Variants in BIN2 observed in about 807,000 individuals in gnomAD.
BIN2 encodes bridging integrator 2.
A neutral mutation model predicts 67.9 loss-of-function variants in BIN2; 43 were observed. That is an observed-to-expected ratio of 0.63 (90% CI 0.50 to 0.82). The LOEUF (loss-of-function observed/expected upper bound fraction) is 0.82. Among genes scored for constraint, BIN2 ranks in the 40% least tolerant of loss-of-function variants. BIN2 has a pLI of 0.00. For synonymous variants in BIN2, 244 were observed against 246.8 expected (o/e 0.99, Z 0.11); for missense variants, 581 against 671.6 (o/e 0.87, Z 1.49).
rs1555172220 is a variant in BIN2 at position 51,313,228 on chromosome 12, A to AGGAAGGCAGGC, written c.162+594_162+595insGCCTGCCTTCC. On this transcript the variant is annotated intron_variant, in intron 2 of 12. Transcript: ENST00000615107. The stretch of plus-strand genomic sequence containing the variant: ...GAAGGAAGGAAGGAAGGAAGGCAGG[A>AGGAAGGCAGGC]AGGCAGGCAGGCAGGCAGGCAGGGA... Among the ~76,000 whole-genome samples the AGGAAGGCAGGC allele has an allele frequency of 5.1e-3, 710 of 139,790 alleles. 3 individuals carry two copies. Among genetic ancestry groups the AGGAAGGCAGGC allele is most frequent in the Non-Finnish European group, 8.6e-3 (556 of 64,574 alleles). The allele number at this position is 139,790 out of a possible 152,430, so 91.7% of individuals were successfully genotyped here. A position where few individuals can be genotyped will look rare whatever the true frequency, so the allele number is the denominator to read the frequency against.
intron 2 of BIN2, among the ~76,000 whole-genome samples, chr12:51,310,770 CT>C (rs199699872): frequency 6.6e-6 from 1 of 151,570 alleles, no homozygotes; most frequent in Admixed American, 6.6e-5. Flanking sequence ...TTTTCTTTTC[CT>C]TTTTTTTGAG....
chr12:51,291,464 G>T, intron 10 of BIN2, 127 bp downstream of exon 10: 2 of 914,650 alleles, frequency 2.2e-6, no homozygotes, highest in Non-Finnish European at 3.2e-6. Context: ...GATCACTTGA[G>T]CTTGAGAGGT....
Position 51,283,989 on chromosome 12 carries a change from G to A in BIN2, c.1668+727C>T, listed in dbSNP as rs548956425. Reference sequence around the variant, plus strand: ...ACCTGGGCAACAAGAGTGAAACTCCGTCTCAAAAAAAAAAAAAAGAAAAGA... The same window carrying A: ...ACCTGGGCAACAAGAGTGAAACTCCATCTCAAAAAAAAAAAAAAGAAAAGA... On this transcript the variant is annotated intron_variant, in intron 12 of 12. Transcript: ENST00000615107. Among the ~76,000 whole-genome samples, 10 of 56,948 alleles carry A rather than the reference G, an allele frequency of 1.8e-4. No homozygotes were observed. In the South Asian group the frequency reaches 5.1e-3, roughly 29 times the overall value. The allele number at this position is 56,948 out of a possible 152,430, so 37.4% of individuals were successfully genotyped here.
At chr12:51,295,575 A>AAG (rs1945529768) in intron 9 of BIN2, among the ~76,000 whole-genome samples, 3 of 18,276 alleles carry the variant, frequency 1.6e-4, no homozygotes, top group African/African-American at 4.5e-4. Context: ...AAAAAAAAAA[A>AAG]AAATATATAT....
Position 51,324,085 on chromosome 12 carries a change from T to G in BIN2, c.18A>C (p.Ala6=), listed in dbSNP as rs1946367386. The part of the protein sequence containing the change: MAEGK[A]GGAAGLFAKQ... ...TGGCGAAGAGGCCGGCCGCGCCGCCTGCCTTGCCCTCTGCCATCCTGCCAA... is the reference window on the plus strand; with the variant it reads ...TGGCGAAGAGGCCGGCCGCGCCGCCGGCCTTGCCCTCTGCCATCCTGCCAA... Residue 6 remains alanine, a synonymous_variant, in exon 1 of 13, where the codon GCA becomes GCC. Transcript: ENST00000615107. The G allele has an allele frequency of 6.2e-7, 1 of 1,613,428 alleles. No individual in the cohort carries two copies. Among genetic ancestry groups the G allele is most frequent in the Non-Finnish European group, 8.5e-7 (1 of 1,179,660 alleles).
intron 4 of BIN2, 100 bp from the exon 5 acceptor site, chr12:51,302,215 G>T (rs1261437746): frequency 2.5e-6 from 2 of 802,614 alleles, no homozygotes; most frequent in African/African-American, 1.7e-5. Flanking sequence ...CTTTTTTGTA[G>T]CACCGTATTT....
chr12:51,319,230 A>G (rs1946206853), intron 1 of BIN2, among the ~76,000 whole-genome samples: 1 of 152,190 alleles, frequency 6.6e-6, no homozygotes, highest in South Asian at 2.1e-4. Context: ...CCAATCCCCA[A>G]AAGGCTCAAG....
intron 9 of BIN2, 34 bp downstream of exon 9, chr12:51,295,762 C>T: frequency 1.3e-6 from 2 of 1,585,672 alleles, no homozygotes; most frequent in Admixed American, 1.7e-5. Flanking sequence ...ACACACAGGA[C>T]AAGCGAAGCA....
At chr12:51,311,649 A>G (rs954031220) in intron 2 of BIN2, among the ~76,000 whole-genome samples, 4 of 152,034 alleles carry the variant, frequency 2.6e-5, no homozygotes, top group African/African-American at 7.2e-5. Context: ...TCAAAGTGCT[A>G]GTATTACAGC....
intron 7 of BIN2, among the ~76,000 whole-genome samples, chr12:51,298,724 T>A (rs1483850176): frequency 1.6e-4 from 24 of 151,876 alleles, no homozygotes; most frequent in Admixed American, 1.6e-3. Flanking sequence ...TCTTGTACAA[T>A]AAAAAGAAAA....
At chr12:51,324,571 C>T (rs986798461), upstream of BIN2, 6 of 1,500,764 alleles carry the variant, frequency 4.0e-6, no homozygotes, top group East Asian at 2.6e-5. Context: ...ATGTACACTG[C>T]GTTTCTTGCT....
At chr12:51,288,678 G>A (rs1417170386) in intron 10 of BIN2, among the ~76,000 whole-genome samples, 3 of 151,678 alleles carry the variant, frequency 2.0e-5, no homozygotes, top group Non-Finnish European at 4.4e-5. Flanking sequence ...AATAAATCTT[G>A]TTGCCATCTA....
At chr12:51,291,073 C>T (rs1945368380) in intron 10 of BIN2, among the ~76,000 whole-genome samples, 1 of 152,120 alleles carries the variant, frequency 6.6e-6, no homozygotes, top group Non-Finnish European at 1.5e-5. Context: ...CACTTGAACC[C>T]AGGAGGCAGA....
intron 9 of BIN2, among the ~76,000 whole-genome samples, chr12:51,294,588 A>ATTTTTTT (rs1945484677): frequency 6.6e-6 from 1 of 151,816 alleles, no homozygotes; most frequent in Admixed American, 6.6e-5. Context: ...AAACAAAAAA[A>ATTTTTTT]ACCCCCCAAA....
At chr12:51,315,703 C>T (rs562356323) in intron 1 of BIN2, among the ~76,000 whole-genome samples, 61 of 152,130 alleles carry the variant, frequency 4.0e-4, no homozygotes, top group Admixed American at 7.2e-4. Flanking sequence ...TTGTGGAAAA[C>T]TTTGAGAGGC....
intron 2 of BIN2, among the ~76,000 whole-genome samples, chr12:51,307,710 C>CAA (rs199928908): frequency 2.9e-4 from 34 of 117,832 alleles, no homozygotes; most frequent in African/African-American, 1.1e-3. Context: ...AACTCCGTCT[C>CAA]AAAAAAAAAA....
intron 2 of BIN2, among the ~76,000 whole-genome samples, chr12:51,312,807 G>T (rs1385835673): frequency 1.3e-5 from 2 of 152,084 alleles, no homozygotes; most frequent in Middle Eastern, 3.2e-3. Flanking sequence ...TACTCCCAGA[G>T]AACTTGCATT....
intron 2 of BIN2, among the ~76,000 whole-genome samples, chr12:51,311,654 T>A (rs1207498113): frequency 6.6e-6 from 1 of 152,122 alleles, no homozygotes; most frequent in Non-Finnish European, 1.5e-5. Flanking sequence ...GTGCTAGTAT[T>A]ACAGCCATAA....
chr12:51,297,297 A>G (rs563537564), intron 7 of BIN2, 133 bp from the exon 8 acceptor site: 95 of 797,438 alleles, frequency 1.2e-4, no homozygotes, highest in Middle Eastern at 4.7e-4. Flanking sequence ...CGCTGGGCAC[A>G]GTGGCTCACG....
Sources: allele counts gnomAD v4.1 joint callset (sites outside exome capture counted in the v4.1 genomes callset), GRCh38; gene constraint gnomAD v4.1.1; transcripts MANE v1.5; gene names NCBI Gene and HGNC (gene_info 2026-07-23, HGNC 2026-07-21).